The following EEIG2 variants were observed in gnomAD, a reference collection of about 807,000 sequenced individuals.
EEIG2 encodes EEIG family member 2, also known as family with sequence similarity 102 member B.
the EEIG2 span, among the ~76,000 whole-genome samples, chr1:108,631,835 T>C: frequency 6.6e-6 from 1 of 151,976 alleles, no homozygotes; most frequent in Non-Finnish European, 1.5e-5. Context: ...AATTTGAGGC[T>C]GGACATGGTG....
the EEIG2 span, among the ~76,000 whole-genome samples, chr1:108,585,090 C>T: frequency 1.3e-5 from 2 of 152,082 alleles, no homozygotes; most frequent in Non-Finnish European, 2.9e-5. Context: ...TAATTATACA[C>T]AATTGAAAAC....
At chr1:108,629,340 T>C in the EEIG2 span, among the ~76,000 whole-genome samples, 195 of 152,354 alleles carry the variant, frequency 1.3e-3, 1 homozygote, top group Non-Finnish European at 2.3e-3. Context: ...AACCTTACTT[T>C]GGAAATTTCT....
At chr1:108,581,327 A>G in the EEIG2 span, among the ~76,000 whole-genome samples, 1 of 152,246 alleles carries the variant, frequency 6.6e-6, no homozygotes, top group Non-Finnish European at 1.5e-5. Flanking sequence ...CTGCTAAAAC[A>G]ACATTCATTC....
At chr1:108,591,762 A>G in the EEIG2 span, among the ~76,000 whole-genome samples, 1 of 152,192 alleles carries the variant, frequency 6.6e-6, no homozygotes, top group Non-Finnish European at 1.5e-5. Context: ...AGTTGCAGAG[A>G]GATTTCTAGA....
At chr1:108,569,425 C>T in the EEIG2 span, among the ~76,000 whole-genome samples, 3 of 152,200 alleles carry the variant, frequency 2.0e-5, no homozygotes, top group African/African-American at 7.2e-5. Context: ...TTCCTGTGCT[C>T]AAGCAATCCT....
the EEIG2 span, among the ~76,000 whole-genome samples, chr1:108,605,554 A>T: frequency 1.3e-5 from 2 of 152,196 alleles, no homozygotes; most frequent in African/African-American, 4.8e-5. Flanking sequence ...GGCCCTAATA[A>T]TAATGACAAA....
the EEIG2 span, chr1:108,635,924 A>G: frequency 6.6e-6 from 1 of 152,264 alleles, no homozygotes; most frequent in African/African-American, 2.4e-5. Flanking sequence ...CAGAAGAGCT[A>G]TCTTAACTCA....
the EEIG2 span, among the ~76,000 whole-genome samples, chr1:108,587,273 T>A: frequency 6.6e-6 from 1 of 152,146 alleles, no homozygotes; most frequent in Admixed American, 6.6e-5. Context: ...TTAGAGCAGT[T>A]TTAGCATCAC....
the EEIG2 span, among the ~76,000 whole-genome samples, chr1:108,590,300 T>A: frequency 7.9e-5 from 12 of 152,214 alleles, no homozygotes; most frequent in East Asian, 1.9e-3. Context: ...TATTTTTGCC[T>A]CTGTTCCCAC....
the EEIG2 span, chr1:108,627,502 G>C: frequency 2.0e-5 from 3 of 152,188 alleles, no homozygotes; most frequent in African/African-American, 7.2e-5. Context: ...TATGTAATTG[G>C]CACCTGGAAC....
the EEIG2 span, chr1:108,628,810 T>TA: frequency 6.2e-7 from 1 of 1,608,334 alleles, no homozygotes; most frequent in Non-Finnish European, 8.5e-7. Context: ...GGAAGGTGTG[T>TA]AGGTAACTGT....
chr1:108,623,069 T>TA, the EEIG2 span, among the ~76,000 whole-genome samples: 164 of 149,402 alleles, frequency 1.1e-3, 1 homozygote, highest in African/African-American at 1.4e-3. Context: ...ACCCTGTCTC[T>TA]AAAAAAAAAT....
chr1:108,634,303 G>A, the EEIG2 span, among the ~76,000 whole-genome samples: 1 of 152,306 alleles, frequency 6.6e-6, no homozygotes, highest in Non-Finnish European at 1.5e-5. Context: ...TGTGAGAACA[G>A]GAGTTTCTGG....
the EEIG2 span, among the ~76,000 whole-genome samples, chr1:108,568,423 T>TA: frequency 6.6e-6 from 1 of 152,176 alleles, no homozygotes; most frequent in Non-Finnish European, 1.5e-5. Flanking sequence ...AATCTTGAAT[T>TA]ATGCTAATAA....
chr1:108,565,862 AT>A, the EEIG2 span, among the ~76,000 whole-genome samples: 14 of 152,340 alleles, frequency 9.2e-5, no homozygotes, highest in African/African-American at 3.4e-4. Context: ...TGAAAAAGTA[AT>A]ACAGATTCAT....
the EEIG2 span, among the ~76,000 whole-genome samples, chr1:108,617,505 G>A: frequency 4.6e-5 from 7 of 152,306 alleles, no homozygotes; most frequent in South Asian, 1.5e-3. Flanking sequence ...ATCCAGCGGG[G>A]CATGTCAAGT....
chr1:108,620,246 G>A, the EEIG2 span, among the ~76,000 whole-genome samples: 75 of 152,278 alleles, frequency 4.9e-4, no homozygotes, highest in Non-Finnish European at 8.4e-4. Flanking sequence ...CAGGAGTATA[G>A]CAGATCCTTA....
At chr1:108,635,292 C>T in the EEIG2 span, 1 of 1,023,066 alleles carries the variant, frequency 9.8e-7, no homozygotes, top group South Asian at 1.5e-5. Flanking sequence ...TCTGGAAGGA[C>T]CCACCGCCAT....
chr1:108,579,772 T>TGTGTGTGAGAGAGA, the EEIG2 span, among the ~76,000 whole-genome samples: 511 of 58,878 alleles, frequency 8.7e-3, 6 homozygotes, highest in Non-Finnish European at 0.012. Flanking sequence ...TGTGTGTGTG[T>TGTGTGTGAGAGAGA]GAGAGAGAGA....
Sources: gnomAD v4.1 joint callset for allele counts (sites outside exome capture counted in the v4.1 genomes callset) on GRCh38, gnomAD v4.1.1 for gene constraint, MANE v1.5 for transcripts, NCBI Gene and HGNC (gene_info 2026-07-23, HGNC 2026-07-21) for gene names.